Variants in ZNF236 observed in about 807,000 individuals in gnomAD.
ZNF236 encodes the protein zinc finger protein 236.
A neutral mutation model predicts 191.2 loss-of-function variants in ZNF236; 50 were observed. That is an observed-to-expected ratio of 0.26 (90% CI 0.21 to 0.33). ZNF236 has a LOEUF of 0.33. Among genes scored for constraint, ZNF236 ranks in the 10% least tolerant of loss-of-function variants. The probability of loss-of-function intolerance (pLI) is 1.00; values close to 1 mark genes in which losing one functional copy is unlikely to be tolerated. For synonymous variants in ZNF236, 907 were observed against 928.8 expected (o/e 0.98, Z 0.43); for missense variants, 1,754 against 2,374.5 (o/e 0.74, Z 5.43).
chr18:76,839,027 A>G lies in ZNF236; in HGVS notation c.56-10499A>G, dbSNP rs1975410213. Among the ~76,000 whole-genome samples the G allele has an allele frequency of 2.0e-5, 3 of 152,192 alleles. No homozygotes were observed. The South Asian group carries it at 6.2e-4, about 31-fold the overall frequency. ...TCTGGCTTCTTTTGGTAAAAATGTG[A>G]GATTTGTCCGTGTTTTTATGTAGAG... is the stretch of plus-strand genomic sequence containing the variant. On this transcript the variant is annotated intron_variant, in intron 1 of 30. Coordinates refer to ENST00000320610, the MANE Select transcript of ZNF236 (RefSeq NM_001306089.2).
intron 1 of ZNF236, chr18:76,834,882 A>G: frequency 2.9e-6 from 1 of 349,620 alleles, no homozygotes. Context: ...AAGGGATTGA[A>G]CTTCATTTGG....
chr18:76,938,943 C>T (rs985329451), intron 26 of ZNF236, among the ~76,000 whole-genome samples: 19 of 152,212 alleles, frequency 1.2e-4, no homozygotes, highest in African/African-American at 4.3e-4. Context: ...TTTAACACAC[C>T]TTCTTCACCT....
At chr18:76,885,484 C>G (rs658184) in intron 9 of ZNF236, 52,730 of 154,870 alleles carry the variant, frequency 0.34, 9,357 homozygotes, top group East Asian at 0.51. Context: ...CAGTAACCAG[C>G]ACTCATTCTC....
At chr18:76,829,961 C>G (rs1194464253) in intron 1 of ZNF236, among the ~76,000 whole-genome samples, 1 of 152,234 alleles carries the variant, frequency 6.6e-6, no homozygotes, top group Non-Finnish European at 1.5e-5. Flanking sequence ...ACCTCCGTCT[C>G]CCGGGTTCAA....
chr18:76,828,992 A>C (rs1189109626), intron 1 of ZNF236, among the ~76,000 whole-genome samples: 1 of 152,182 alleles, frequency 6.6e-6, no homozygotes, highest in Non-Finnish European at 1.5e-5. Context: ...GTGATTAGAT[A>C]ACCTCTAAAG....
chr18:76,953,358 C>T (rs192523311), intron 27 of ZNF236, among the ~76,000 whole-genome samples: 2 of 152,324 alleles, frequency 1.3e-5, no homozygotes, highest in East Asian at 3.9e-4. Flanking sequence ...GAGAAAAGAG[C>T]CGACACTTGC....
Position 76,960,764 on chromosome 18 carries a change from G to T in ZNF236, c.5328G>T (p.Gly1776=). ...AGGTGCACATGAAGAAGCACACGGG[G>T]GAGCGGCCCTACAAGTGTGCCTACT... ...ALQVHMKKHT[G]ERPYKCAYCV... is the part of the protein sequence containing the mutation. The change falls in exon 30 of 31, where the codon GGG becomes GGT. Residue 1776 remains glycine, a synonymous_variant. Coordinates refer to ENST00000320610, the MANE Select transcript of ZNF236 (RefSeq NM_001306089.2). The surrounding 1 kb of genome is among the most constrained non-coding windows in gnomAD (Gnocchi z 4.4). 1 of 1,614,202 alleles carries T rather than the reference G, an allele frequency of 6.2e-7. No homozygotes were observed. Among genetic ancestry groups the T allele is most frequent in the African/African-American group, 1.3e-5 (1 of 75,060 alleles).
intron 3 of ZNF236, among the ~76,000 whole-genome samples, chr18:76,864,693 T>C (rs1283286264): frequency 6.7e-6 from 1 of 150,066 alleles, no homozygotes; most frequent in East Asian, 1.9e-4. Context: ...TCAGTGTACA[T>C]GGAGGAAATA....
chr18:76,870,367 T>C (rs936114112), intron 4 of ZNF236, among the ~76,000 whole-genome samples: 1 of 152,210 alleles, frequency 6.6e-6, no homozygotes, highest in Admixed American at 6.5e-5. Flanking sequence ...CAGATTTTTA[T>C]TCTCATGAGG....
rs1967732869 is a variant in ZNF236, at chr18:76,927,396, C to G, written c.4293C>G (p.Val1431=). 6.2e-7 allele frequency: 1 copy of G among 1,614,200 alleles called. No homozygotes were observed. The highest frequency in any genetic ancestry group is 1.1e-5 in the South Asian group (1 of 91,082). ...NSSLQTSDST[V]PASVVIQPIS... ...CTCTCCAGACATCGGACAGCACGGTCCCTGCCAGTGTTGTCATCCAGCCCA... is the reference window on the plus strand; with the variant it reads ...CTCTCCAGACATCGGACAGCACGGTGCCTGCCAGTGTTGTCATCCAGCCCA... The change falls in exon 24 of 31, where the codon GTC becomes GTG. Residue 1431 remains valine, a synonymous_variant. Transcript: ENST00000320610. This position sits in a 1 kb window ranked among gnomAD's most constrained non-coding sequence, Gnocchi z 5.4.
intron 20 of ZNF236, 128 bp downstream of exon 20, chr18:76,920,186 GCTTA>G: frequency 9.3e-7 from 1 of 1,077,914 alleles, no homozygotes; most frequent in Non-Finnish European, 1.3e-6. Flanking sequence ...AGTGATGGCA[GCTTA>G]CTTACTTGAA....
At chr18:76,842,163 T>C (rs1464502724) in intron 1 of ZNF236, among the ~76,000 whole-genome samples, 1 of 152,206 alleles carries the variant, frequency 6.6e-6, no homozygotes, top group African/African-American at 2.4e-5. Context: ...ATGTTAGTTT[T>C]CTTATCCACA....
intron 1 of ZNF236, among the ~76,000 whole-genome samples, chr18:76,843,647 G>C (rs1975580913): frequency 1.3e-5 from 2 of 151,262 alleles, no homozygotes; most frequent in African/African-American, 4.9e-5. Flanking sequence ...ATGGTGGCGT[G>C]CGCCTGTAGT....
intron 27 of ZNF236, 58 bp downstream of exon 27, chr18:76,947,710 A>T: frequency 1.3e-6 from 2 of 1,579,924 alleles, no homozygotes; most frequent in Non-Finnish European, 1.7e-6. Flanking sequence ...ATACAGATTC[A>T]GAAGGGATGG....
rs1976868564 is a variant in ZNF236, at chr18:76,880,731, G to C, written c.1188+415G>C. ...GCCTGGCCTTCTCTCGTGGGTGTGT[G>C]GGCAGCACCTGCACGTGTGGGAGAG... On this transcript the variant is annotated intron_variant, in intron 8 of 30. Coordinates refer to ENST00000320610, the MANE Select transcript of ZNF236 (RefSeq NM_001306089.2). This position sits in a 1 kb window ranked among gnomAD's most constrained non-coding sequence, Gnocchi z 5.0. Among the ~76,000 whole-genome samples the C allele has an allele frequency of 6.6e-6, 1 of 152,140 alleles. No individual in the cohort carries two copies. Among genetic ancestry groups the C allele is most frequent in the Non-Finnish European group, 1.5e-5 (1 of 68,024 alleles).
intron 1 of ZNF236, among the ~76,000 whole-genome samples, chr18:76,842,074 G>C (rs1975522775): frequency 6.6e-6 from 1 of 152,058 alleles, no homozygotes; most frequent in Non-Finnish European, 1.5e-5. Flanking sequence ...GAGTATCCTG[G>C]ATTATTAATT....
chr18:76,927,015 C>T lies in ZNF236; in HGVS notation c.4028-22C>T. On this transcript the variant is annotated intron_variant, in intron 22 of 30. Transcript: ENST00000320610. This position sits in a 1 kb window ranked among gnomAD's most constrained non-coding sequence, Gnocchi z 5.4. The stretch of plus-strand genomic sequence containing the variant: ...GAAGCATTCATAATATTTGATCATT[C>T]TCTTTCTCTTTCTCTGGCCAGCTGG... The T allele has an allele frequency of 6.3e-7, 1 of 1,584,494 alleles. No homozygotes were observed. Among genetic ancestry groups the T allele is most frequent in the Middle Eastern group, 1.7e-4 (1 of 5,928 alleles).
At chr18:76,915,896 G>A (rs748681076) in intron 19 of ZNF236, 37 bp downstream of exon 19, 5 of 1,576,648 alleles carry the variant, frequency 3.2e-6, no homozygotes, top group Admixed American at 1.7e-5. Flanking sequence ...GTATTAACCC[G>A]ATGCTAATTT....
intron 1 of ZNF236, chr18:76,834,501 T>A: frequency 2.2e-6 from 1 of 451,996 alleles, no homozygotes; most frequent in Non-Finnish European, 4.3e-6. Flanking sequence ...GAGATTTGGC[T>A]TTCCGTTCAA....
Sources: gnomAD v4.1 joint callset for allele counts (sites outside exome capture counted in the v4.1 genomes callset) on GRCh38, gnomAD v4.1.1 for gene constraint, Gnocchi (gnomAD v3.1) non-coding constraint, MANE v1.5 for transcripts, NCBI Gene and HGNC (gene_info 2026-07-23, HGNC 2026-07-21) for gene names.